MBD5: variants seen among roughly 807,000 people sequenced by gnomAD.
MBD5 encodes the protein methyl-CpG-binding domain protein 5.
In MBD5, 13 loss-of-function variants were observed where a neutral mutation model predicts 117.3. The observed-to-expected ratio is 0.11, with a 90% CI of 0.07 to 0.18. The LOEUF (loss-of-function observed/expected upper bound fraction) is 0.18, where lower values mean the gene tolerates loss of function less well. MBD5 is among the 10% of genes least tolerant of loss of function. MBD5 has a pLI of 1.00. For missense variants in MBD5, 1,879 were observed against 2,093.8 expected (o/e 0.90, Z 2.00); for synonymous variants, 727 against 766.4 (o/e 0.95, Z 0.85).
At chr2:148,141,451 C>G (rs2105539907) in intron 1 of MBD5, among the ~76,000 whole-genome samples, 1 of 152,226 alleles carries the variant, frequency 6.6e-6, no homozygotes, top group Non-Finnish European at 1.5e-5. Context: ...TTCATTCCAA[C>G]AGTAGTCTAA....
At chr2:148,330,792 T>C (rs1702625954) in intron 3 of MBD5, among the ~76,000 whole-genome samples, 1 of 152,180 alleles carries the variant, frequency 6.6e-6, no homozygotes, top group Non-Finnish European at 1.5e-5. Flanking sequence ...TTAGGAATTT[T>C]GGAATACTAA....
At chr2:148,445,930 G>C (rs1006259044) in intron 4 of MBD5, among the ~76,000 whole-genome samples, 45 of 151,346 alleles carry the variant, frequency 3.0e-4, no homozygotes, top group Admixed American at 1.6e-3. Context: ...GCATAAATGT[G>C]TTCTTTTGAG....
chr2:148,329,890 G>A (rs924196184), intron 3 of MBD5, among the ~76,000 whole-genome samples: 1 of 151,984 alleles, frequency 6.6e-6, no homozygotes, highest in Non-Finnish European at 1.5e-5. Flanking sequence ...AAAAAATTAT[G>A]TTAGTAATAA....
chr2:148,260,352 C>G (rs1404874737), intron 3 of MBD5, among the ~76,000 whole-genome samples: 2 of 152,174 alleles, frequency 1.3e-5, no homozygotes, highest in Non-Finnish European at 2.9e-5. Flanking sequence ...CTCATCCGTT[C>G]AAGTTTTATC....
chr2:148,173,715 G>A (rs1698318193), intron 1 of MBD5, among the ~76,000 whole-genome samples: 1 of 149,190 alleles, frequency 6.7e-6, no homozygotes, highest in African/African-American at 2.6e-5. Flanking sequence ...GCAAGACTCT[G>A]TCTCATAAAT....
Position 148,490,288 on chromosome 2 carries a change from A to G in MBD5, c.4656A>G (p.Pro1552=). ...KQDLVLEEQS[P]SSSNSLENSL... ...ACCTGGTCCTAGAGGAGCAGTCTCCAAGTTCCTCAAATAGTTTGGAAAATT... is the reference window on the plus strand; with the variant it reads ...ACCTGGTCCTAGAGGAGCAGTCTCCGAGTTCCTCAAATAGTTTGGAAAATT... Residue 1552 remains proline (P), a synonymous_variant, in exon 11 of 14, where the codon CCA becomes CCG. Coordinates refer to ENST00000642680, the MANE Select transcript of MBD5 (RefSeq NM_001378120.1). 1 of 1,614,220 alleles carries G rather than the reference A, an allele frequency of 6.2e-7. No homozygotes were observed. Among genetic ancestry groups the G allele is most frequent in the Non-Finnish European group, 8.5e-7 (1 of 1,180,030 alleles).
At chr2:148,107,109 C>T (rs1241658990) in intron 1 of MBD5, among the ~76,000 whole-genome samples, 1 of 151,980 alleles carries the variant, frequency 6.6e-6, no homozygotes, top group African/African-American at 2.4e-5. Flanking sequence ...TAAAACCTCT[C>T]AATCCTTATT....
At chr2:148,464,803 A>T (rs1707206443) in intron 7 of MBD5, among the ~76,000 whole-genome samples, 1 of 149,610 alleles carries the variant, frequency 6.7e-6, no homozygotes, top group African/African-American at 2.5e-5. Context: ...AAAATAATTT[A>T]AAAAAAAAAA....
At chr2:148,069,626 G>A (rs904153202) in intron 1 of MBD5, among the ~76,000 whole-genome samples, 22 of 151,858 alleles carry the variant, frequency 1.4e-4, no homozygotes, top group Non-Finnish European at 5.9e-5. Context: ...TATACAAGCC[G>A]CTGTTAAACC....
At chr2:148,151,775 A>G (rs1279728995) in intron 1 of MBD5, among the ~76,000 whole-genome samples, 1 of 151,712 alleles carries the variant, frequency 6.6e-6, no homozygotes, top group Admixed American at 6.6e-5. Context: ...TTTCTGTGGG[A>G]TCGGTGGTGA....
At chr2:148,457,090 C>T (rs1559079681) in intron 4 of MBD5, among the ~76,000 whole-genome samples, 1 of 152,156 alleles carries the variant, frequency 6.6e-6, no homozygotes, top group East Asian at 1.9e-4. Flanking sequence ...AATACATTAG[C>T]TTCTTCACTT....
At chr2:148,126,239 T>TA (rs10712219) in intron 1 of MBD5, among the ~76,000 whole-genome samples, 2 of 147,548 alleles carry the variant, frequency 1.4e-5, no homozygotes, top group African/African-American at 5.0e-5. Flanking sequence ...CTACTAAAAA[T>TA]AAAAAAAAAA....
At chr2:148,366,229 A>T (rs1282407935) in intron 4 of MBD5, among the ~76,000 whole-genome samples, 1 of 152,178 alleles carries the variant, frequency 6.6e-6, no homozygotes, top group Non-Finnish European at 1.5e-5. Flanking sequence ...CAAAAACCAC[A>T]TGATTATCTC....
intron 4 of MBD5, among the ~76,000 whole-genome samples, chr2:148,376,337 G>A (rs1415576200): frequency 6.8e-6 from 1 of 146,684 alleles, no homozygotes; most frequent in Admixed American, 7.0e-5. Context: ...GCGCAGTCTC[G>A]GCTCACTGCA....
At chr2:148,244,984 T>G (rs961057162) in intron 3 of MBD5, among the ~76,000 whole-genome samples, 3 of 152,198 alleles carry the variant, frequency 2.0e-5, no homozygotes, top group African/African-American at 4.8e-5. Flanking sequence ...AAACAAAAGA[T>G]AAATTTTAGA....
chr2:148,032,206 T>C (rs1311874825), intron 1 of MBD5, among the ~76,000 whole-genome samples: 1 of 152,162 alleles, frequency 6.6e-6, no homozygotes, highest in Non-Finnish European at 1.5e-5. Flanking sequence ...GTTACTATTA[T>C]GTGCTCACTG....
chr2:148,311,173 A>G (rs1438784806), intron 3 of MBD5, among the ~76,000 whole-genome samples: 1 of 152,210 alleles, frequency 6.6e-6, no homozygotes, highest in Non-Finnish European at 1.5e-5. Context: ...GGCTTGGTCC[A>G]GAGCTGAGTT....
intron 2 of MBD5, among the ~76,000 whole-genome samples, chr2:148,208,731 T>A (rs1221770430): frequency 2.6e-5 from 4 of 151,924 alleles, no homozygotes; most frequent in African/African-American, 9.7e-5. Context: ...TACTTTTACC[T>A]GATGGTTACT....
intron 1 of MBD5, chr2:148,044,726 G>C (rs765664122): frequency 6.6e-6 from 1 of 152,050 alleles, no homozygotes; most frequent in African/African-American, 2.4e-5. Context: ...ATTAAAATTA[G>C]TTCAGTAAAT....
Sources: gnomAD v4.1 joint callset for allele counts (sites outside exome capture counted in the v4.1 genomes callset) on GRCh38, gnomAD v4.1.1 for gene constraint, MANE v1.5 for transcripts, NCBI Gene and HGNC (gene_info 2026-07-23, HGNC 2026-07-21) for gene names.